Variants in PIF1 observed in about 807,000 individuals in gnomAD.
PIF1 encodes the protein ATP-dependent DNA helicase PIF1.
Under a neutral mutation model 62.3 loss-of-function variants are expected in PIF1, and 67 were observed. That is an observed-to-expected ratio of 1.08 (90% confidence interval 0.88 to 1.32). The LOEUF is 1.32. Among genes scored for constraint, PIF1 ranks in the 40% most tolerant of loss-of-function variants. PIF1 has a pLI of 0.00. For missense variants in PIF1, 886 were observed against 866.1 expected (o/e 1.02, Z -0.29); for synonymous variants, 364 against 379.5 (o/e 0.96, Z 0.47).
chr15:64,825,752 GTCTT>G (rs1238683274), upstream of PIF1: 1 of 152,246 alleles, frequency 6.6e-6, no homozygotes, highest in African/African-American at 2.4e-5. Context: ...CAATGGGCGT[GTCTT>G]TCTTTGCGTC....
chr15:64,825,065 G>A (rs946138109), intron 1 of PIF1, among the ~76,000 whole-genome samples: 2 of 151,414 alleles, frequency 1.3e-5, no homozygotes, highest in Admixed American at 1.3e-4. Context: ...AGCGGCGGAT[G>A]GGCACCGAGG....
At chr15:64,816,891 C>T (rs2084194386) in intron 11 of PIF1, 126 bp from the exon 12 acceptor site, 1 of 864,272 alleles carries the variant, frequency 1.2e-6, no homozygotes. Flanking sequence ...AGTCTCTAGA[C>T]AGAGGGAGAG....
chr15:64,826,665 T>TATATACACAC (rs796684934), upstream of PIF1, among the ~76,000 whole-genome samples: 1,046 of 42,396 alleles, frequency 0.025, 16 homozygotes, highest in Non-Finnish European at 0.031. Flanking sequence ...TATATATATA[T>TATATACACAC]ACACACACAC....
At chr15:64,819,794 T>A in intron 8 of PIF1, 53 bp downstream of exon 8, 1 of 1,604,500 alleles carries the variant, frequency 6.2e-7, no homozygotes, top group Non-Finnish European at 8.5e-7. Flanking sequence ...GGGGGCTACA[T>A]CTGCTTATAA....
chr15:64,815,913 G>C lies in PIF1; in HGVS notation c.*385C>G, dbSNP rs536848451. ...CTCCAAGAGCCCTGATGCTGCTTCC[G>C]GAGCACCTGTCTTCATTGCCTCTCC... On this transcript the variant is annotated 3_prime_UTR_variant, in exon 13 of 13. Transcript: ENST00000559239. The C allele has an allele frequency of 3.1e-5, 48 of 1,550,484 alleles. No homozygotes were observed. The highest frequency in any genetic ancestry group is 4.1e-5 in the Non-Finnish European group (47 of 1,146,974).
At position 64,815,651 on chromosome 15, in the gene PIF1, T is replaced by C; in HGVS notation, c.*647A>G. On this transcript the variant is annotated 3_prime_UTR_variant, in exon 13 of 13. Coordinates refer to ENST00000559239, the MANE Select transcript of PIF1 (RefSeq NM_001286496.2). The stretch of plus-strand genomic sequence containing the variant: ...GCACAGTTTTTACACAATTCTCTAG[T>C]TTATTTGTCCGAAATAAATACAACC... 8 of 1,521,230 alleles carry C rather than the reference T, an allele frequency of 5.3e-6. No homozygotes were observed. The highest frequency in any genetic ancestry group is 7.1e-6 in the Non-Finnish European group (8 of 1,131,086). 94.2% of individuals were successfully genotyped at this position (1,521,230 alleles called of 1,614,324 possible). A position where few individuals can be genotyped will look rare whatever the true frequency, so the allele number is the denominator to read the frequency against.
intron 1 of PIF1, among the ~76,000 whole-genome samples, chr15:64,824,736 C>T (rs2084342612): frequency 6.6e-6 from 1 of 151,282 alleles, no homozygotes; most frequent in South Asian, 2.1e-4. Flanking sequence ...AATTCCAGCA[C>T]TTTGGGAGGC....
At chr15:64,816,868 G>C in intron 11 of PIF1, 103 bp from the exon 12 acceptor site, 2 of 1,096,798 alleles carry the variant, frequency 1.8e-6, no homozygotes, top group South Asian at 1.7e-5. Flanking sequence ...GGATCTCCTC[G>C]TCCAGTCCAG....
intron 2 of PIF1, 23 bp downstream of exon 2, chr15:64,823,755 T>C: frequency 7.7e-7 from 1 of 1,306,836 alleles, no homozygotes; most frequent in South Asian, 3.0e-5. Flanking sequence ...CTCCTAAAGG[T>C]GTCCCTTCTT....
At chr15:64,818,984 G>A (rs907294361) in intron 9 of PIF1, 133 bp downstream of exon 9, 4 of 538,970 alleles carry the variant, frequency 7.4e-6, no homozygotes, top group Non-Finnish European at 1.3e-5. Context: ...GGGAACAGGA[G>A]GCAGGGAGGT....
intron 1 of PIF1, among the ~76,000 whole-genome samples, chr15:64,824,723 T>G (rs2084342396): frequency 6.6e-6 from 1 of 151,716 alleles, no homozygotes; most frequent in Non-Finnish European, 1.5e-5. Context: ...GGCGGGCGCT[T>G]GTAATTCCAG....
At chr15:64,824,893 G>GTA (rs774751867) in intron 1 of PIF1, among the ~76,000 whole-genome samples, 47 of 130,828 alleles carry the variant, frequency 3.6e-4, no homozygotes, top group African/African-American at 1.5e-3. Flanking sequence ...GTATATATAT[G>GTA]TATATATATA....
At chr15:64,822,432 A>G (rs1567087200) in intron 3 of PIF1, 41 bp from the exon 4 acceptor site, 4 of 1,613,934 alleles carry the variant, frequency 2.5e-6, no homozygotes, top group Non-Finnish European at 3.4e-6. Context: ...CTGTTCCTCT[A>G]TCCCACCCCA....
In PIF1 at chr15:64,821,209, T is replaced by C. The variant is rs2084282060; in HGVS notation, c.1044A>G (p.Pro348=). Residue 348 remains proline, a synonymous_variant, in exon 6 of 13, where the codon CCA becomes CCG. Coordinates refer to ENST00000559239, the MANE Select transcript of PIF1 (RefSeq NM_001286496.2). ...GGGGCTGGGAGCCCTTGGTCACAGGTGGCAGCTGCAGAAAGTCCCCACAGA... is the reference window on the plus strand; with the variant it reads ...GGGGCTGGGAGCCCTTGGTCACAGGCGGCAGCTGCAGAAAGTCCCCACAGA... ...LIICGDFLQL[P]PVTKGSQPPR... 1 of 1,614,080 alleles carries C rather than the reference T, an allele frequency of 6.2e-7. No homozygotes were observed. The highest frequency in any genetic ancestry group is 1.3e-5 in the African/African-American group (1 of 74,940).
chr15:64,826,665 T>TATATATATACACACAC (rs796684934), upstream of PIF1, among the ~76,000 whole-genome samples: 72 of 42,764 alleles, frequency 1.7e-3, no homozygotes, highest in Middle Eastern at 0.015. Flanking sequence ...TATATATATA[T>TATATATATACACACAC]ACACACACAC....
chr15:64,822,460 C>A lies in PIF1; in HGVS notation c.691+18G>T. On this transcript the variant is annotated intron_variant, in intron 3 of 12. Transcript: ENST00000559239. ...CCACCCCACCACTGTCCCCCTACCT[C>A]CTCTCTGCCCCCACTACCTGCACTC... 1 of 1,614,058 alleles carries A rather than the reference C, an allele frequency of 6.2e-7. No homozygotes were observed. The highest frequency in any genetic ancestry group is 2.2e-5 in the East Asian group (1 of 44,860).
Position 64,816,741 on chromosome 15 carries a change from TCTC to T in PIF1, c.1696_1698del (p.Glu566del), listed in dbSNP as rs753481774. ...CTGGCAAACACACGGCCCAGAGAAA[TCTC>T]CACACAATCCAGGGTCATGCCCTGG... On this transcript the variant is annotated inframe_deletion, in exon 12 of 13. Transcript: ENST00000559239. 2.5e-6 allele frequency: 4 copies of T among 1,606,720 alleles called. No individual in the cohort carries two copies. Among genetic ancestry groups the T allele is most frequent in the Non-Finnish European group, 3.4e-6 (4 of 1,177,120 alleles).
At chr15:64,818,434 G>C in intron 9 of PIF1, 90 bp from the exon 10 acceptor site, 1 of 1,267,216 alleles carries the variant, frequency 7.9e-7, no homozygotes, top group Non-Finnish European at 1.1e-6. Context: ...CTGAGGGCAG[G>C]GAGCTGTCAT....
intron 9 of PIF1, 106 bp downstream of exon 9, chr15:64,819,011 G>A (rs2084239328): frequency 1.3e-6 from 1 of 746,736 alleles, no homozygotes. Context: ...TGTGGTCAAA[G>A]CTGGGCCCAC....
Sources: allele counts gnomAD v4.1 joint callset (sites outside exome capture counted in the v4.1 genomes callset), GRCh38; gene constraint gnomAD v4.1.1; transcripts MANE v1.5; gene names NCBI Gene and HGNC (gene_info 2026-07-23, HGNC 2026-07-21).